Variants in MYOM1 observed in about 807,000 individuals in gnomAD.
MYOM1 encodes the protein myomesin-1.
A neutral mutation model predicts 205.3 loss-of-function variants in MYOM1; 164 were observed. The observed-to-expected ratio is 0.80, with a 90% CI of 0.70 to 0.91. The LOEUF is 0.91. Among genes scored for constraint, MYOM1 ranks in the 40% least tolerant of loss-of-function variants. The probability of loss-of-function intolerance (pLI) is 0.00; values close to 1 mark genes in which losing one functional copy is unlikely to be tolerated. For missense variants in MYOM1, 2,011 were observed against 2,127.3 expected (o/e 0.95, Z 1.08); for synonymous variants, 772 against 789.4 (o/e 0.98, Z 0.37).
intron 18 of MYOM1, among the ~76,000 whole-genome samples, chr18:3,127,297 ATATATATATTT>A (rs1176340566): frequency 3.9e-3 from 192 of 49,702 alleles, no homozygotes; most frequent in African/African-American, 0.015. Flanking sequence ...ATATATATAT[ATATATATATTT>A]TTTTTTTTTT....
chr18:3,177,339 CAG>C (rs1489938213), intron 5 of MYOM1, among the ~76,000 whole-genome samples: 1 of 151,940 alleles, frequency 6.6e-6, no homozygotes, highest in Non-Finnish European at 1.5e-5. Flanking sequence ...ATTGATGTAA[CAG>C]AGAGGAAGGC....
intron 19 of MYOM1, among the ~76,000 whole-genome samples, chr18:3,125,988 G>A (rs2079775084): frequency 6.6e-6 from 1 of 151,634 alleles, no homozygotes; most frequent in Non-Finnish European, 1.5e-5. Flanking sequence ...TAAAAACCCA[G>A]CCGGCCGCGG....
At chr18:3,233,283 T>C in the MYOM1 span, among the ~76,000 whole-genome samples, 1 of 152,212 alleles carries the variant, frequency 6.6e-6, no homozygotes, top group African/African-American at 2.4e-5. Context: ...ATTTACCCAC[T>C]TGCTAAAACT....
At chr18:3,127,707 GA>G (rs1449348241) in intron 18 of MYOM1, among the ~76,000 whole-genome samples, 1 of 151,994 alleles carries the variant, frequency 6.6e-6, no homozygotes, top group Non-Finnish European at 1.5e-5. Flanking sequence ...CTGCACACAA[GA>G]AAAAAATTTA....
intron 37 of MYOM1, 52 bp downstream of exon 37, chr18:3,071,782 G>A (rs2078961038): frequency 6.5e-7 from 1 of 1,548,944 alleles, no homozygotes; most frequent in South Asian, 1.2e-5. Context: ...CTGGGGTGCT[G>A]GAACCTGTTC....
chr18:3,108,100 GTCT>G (rs1251045232), intron 22 of MYOM1, among the ~76,000 whole-genome samples: 2 of 152,044 alleles, frequency 1.3e-5, no homozygotes, highest in Non-Finnish European at 2.9e-5. Context: ...AGGCATCTTG[GTCT>G]TCTAAGTCAC....
intron 12 of MYOM1, among the ~76,000 whole-genome samples, chr18:3,150,222 G>A (rs757792904): frequency 2.0e-5 from 3 of 152,130 alleles, no homozygotes; most frequent in Non-Finnish European, 2.9e-5. Context: ...ACCACGCCTG[G>A]CTAATTTTTT....
At chr18:3,163,425 G>A (rs1438231796) in intron 10 of MYOM1, among the ~76,000 whole-genome samples, 1 of 151,944 alleles carries the variant, frequency 6.6e-6, no homozygotes, top group Non-Finnish European at 1.5e-5. Context: ...GTGCCCTCAG[G>A]GCTCACCTTT....
intron 14 of MYOM1, among the ~76,000 whole-genome samples, chr18:3,140,343 G>C (rs2080030440): frequency 6.6e-6 from 1 of 151,832 alleles, no homozygotes; most frequent in Non-Finnish European, 1.5e-5. Flanking sequence ...GGAGGCGGAG[G>C]TTGCAGTGAG....
the MYOM1 span, among the ~76,000 whole-genome samples, chr18:3,232,332 A>G: frequency 6.8e-6 from 1 of 146,882 alleles, no homozygotes; most frequent in East Asian, 2.0e-4. Context: ...TCCATCATGG[A>G]AAAAAAAAAA....
intron 5 of MYOM1, among the ~76,000 whole-genome samples, chr18:3,177,441 A>ATATTATTATTAT (rs1183106243): frequency 1.7e-5 from 2 of 117,252 alleles, no homozygotes; most frequent in East Asian, 5.3e-4. Context: ...GTTAGAAGCA[A>ATATTATTATTAT]TATCATTATT....
upstream of MYOM1, among the ~76,000 whole-genome samples, chr18:3,224,961 G>A (rs527276508): frequency 2.0e-5 from 3 of 151,738 alleles, no homozygotes; most frequent in East Asian, 2.0e-4. Flanking sequence ...CACCGTGCCC[G>A]GCCTATTATT....
At chr18:3,117,966 C>G (rs570631743) in intron 20 of MYOM1, among the ~76,000 whole-genome samples, 23 of 152,250 alleles carry the variant, frequency 1.5e-4, no homozygotes, top group Non-Finnish European at 3.1e-4. Context: ...CTTGTGTCAT[C>G]CTGAGAACCC....
Position 3,126,697 on chromosome 18 carries a change from T to G in MYOM1, c.2991+4A>C, listed in dbSNP as rs1369312381. The G allele has an allele frequency of 7.5e-6, 12 of 1,610,422 alleles. No homozygotes were observed. The highest frequency in any genetic ancestry group is 1.0e-5 in the Non-Finnish European group (12 of 1,177,858). ...CGCCACACTACAGAAAGTCACGTGC[T>G]TACCTTGTATGCCTCCTCACTGACA... On this transcript the variant is annotated splice_donor_region_variant and intron_variant, in intron 19 of 37. Transcript: ENST00000356443.
At chr18:3,170,927 A>G (rs903583194) in intron 8 of MYOM1, among the ~76,000 whole-genome samples, 1 of 152,152 alleles carries the variant, frequency 6.6e-6, no homozygotes, top group Admixed American at 6.5e-5. Context: ...TCTTCCTAAG[A>G]CTTCTTTCAT....
chr18:3,211,069 T>G (rs2081185303), intron 2 of MYOM1, among the ~76,000 whole-genome samples: 1 of 152,206 alleles, frequency 6.6e-6, no homozygotes, highest in African/African-American at 2.4e-5. Flanking sequence ...TCCCACAACC[T>G]AAGAAACCTG....
intron 22 of MYOM1, among the ~76,000 whole-genome samples, chr18:3,105,886 T>A (rs2079445541): frequency 6.6e-6 from 1 of 152,120 alleles, no homozygotes; most frequent in Non-Finnish European, 1.5e-5. Flanking sequence ...GTTTAGTTTT[T>A]GTCTCAATTG....
chr18:3,240,945 A>G, the MYOM1 span, among the ~76,000 whole-genome samples: 1 of 152,196 alleles, frequency 6.6e-6, no homozygotes, highest in Non-Finnish European at 1.5e-5. Flanking sequence ...CGCCCCTGCC[A>G]TAGAGATTTG....
intron 19 of MYOM1, among the ~76,000 whole-genome samples, chr18:3,124,856 A>AT (rs1366052663): frequency 1.6e-4 from 25 of 152,234 alleles, no homozygotes; most frequent in Admixed American, 1.4e-3. Flanking sequence ...GACAAAGCAT[A>AT]TGTTAGTAAA....
Sources: gnomAD v4.1 joint callset for allele counts (sites outside exome capture counted in the v4.1 genomes callset) on GRCh38, gnomAD v4.1.1 for gene constraint, MANE v1.5 for transcripts, NCBI Gene and HGNC (gene_info 2026-07-23, HGNC 2026-07-21) for gene names.